Variants in CDK14 observed in about 807,000 individuals in gnomAD.
CDK14 encodes the protein cyclin-dependent kinase 14.
Under a neutral mutation model 60.7 loss-of-function variants are expected in CDK14, and 34 were observed. The ratio of observed to expected loss-of-function variants is 0.56; its 90% CI spans 0.43 to 0.75. CDK14 has a LOEUF of 0.75. CDK14 is among the 30% of genes least tolerant of loss of function. CDK14 has a pLI of 0.00. For missense variants in CDK14, 482 were observed against 564.1 expected, an observed-to-expected ratio of 0.85 and a Z score of 1.47; for synonymous variants, 197 against 203.7, an observed-to-expected ratio of 0.97 and a Z score of 0.28.
At chr7:90,667,163 A>G (rs1197030248) in intron 2 of CDK14, among the ~76,000 whole-genome samples, 1 of 152,200 alleles carries the variant, frequency 6.6e-6, no homozygotes, top group African/African-American at 2.4e-5. Context: ...TTTCACTCTT[A>G]TAGTCATCAT....
intron 8 of CDK14, among the ~76,000 whole-genome samples, chr7:90,952,400 C>T (rs1004570257): frequency 1.6e-4 from 25 of 152,194 alleles, no homozygotes; most frequent in African/African-American, 6.0e-4. Context: ...TTCTTAACTC[C>T]TCCAGAAATC....
intron 2 of CDK14, among the ~76,000 whole-genome samples, chr7:90,649,338 TTCC>T (rs1800555960): frequency 4.0e-4 from 20 of 49,476 alleles, no homozygotes; most frequent in African/African-American, 1.3e-3. Context: ...CCTTCCTTCC[TTCC>T]TTCCTTCCTT....
At chr7:90,717,894 A>G (rs980426608) in intron 2 of CDK14, among the ~76,000 whole-genome samples, 1 of 152,156 alleles carries the variant, frequency 6.6e-6, no homozygotes, top group Non-Finnish European at 1.5e-5. Flanking sequence ...TCATGGAAAT[A>G]CAAACACGTG....
chr7:90,623,487 GA>G (rs374235652), intron 2 of CDK14, among the ~76,000 whole-genome samples: 85 of 151,996 alleles, frequency 5.6e-4, no homozygotes, highest in African/African-American at 1.8e-3. Flanking sequence ...AAGAAGGAAG[GA>G]AAAAAAGCAC....
chr7:90,888,881 T>C (rs935698578), intron 6 of CDK14, among the ~76,000 whole-genome samples: 1 of 152,212 alleles, frequency 6.6e-6, no homozygotes, highest in Non-Finnish European at 1.5e-5. Flanking sequence ...ACTGTTTGAC[T>C]CCATGAACAT....
Position 90,727,130 on chromosome 7 carries a change from T to TA in CDK14, c.369+319dup, listed in dbSNP as rs563422446. ...AACCCTTGGAGAGGTTATTGAACTT[T>TA]ACTGTGTAGGCAGTAAGGATAGTTT... On this transcript the variant is annotated intron_variant, in intron 3 of 14. Transcript: ENST00000380050. 9.8e-4 allele frequency among the ~76,000 whole-genome samples: 149 copies of TA among 152,342 alleles called. 3 individuals carry two copies. In the South Asian group the frequency reaches 0.03, roughly 30 times the overall value.
intron 2 of CDK14, among the ~76,000 whole-genome samples, chr7:90,720,386 G>T (rs1156874088): frequency 6.6e-6 from 1 of 152,184 alleles, no homozygotes; most frequent in African/African-American, 2.4e-5. Flanking sequence ...GAAGCTGACG[G>T]ACAGTGCGTA....
chr7:90,624,746 T>C (rs1799842185), intron 2 of CDK14, among the ~76,000 whole-genome samples: 1 of 152,226 alleles, frequency 6.6e-6, no homozygotes, highest in Non-Finnish European at 1.5e-5. Flanking sequence ...TTTGTTACCA[T>C]GAACAGACAG....
chr7:90,716,089 A>T (rs1196924123), intron 2 of CDK14, among the ~76,000 whole-genome samples: 1 of 152,030 alleles, frequency 6.6e-6, no homozygotes, highest in Non-Finnish European at 1.5e-5. Context: ...TGGAAGTCAG[A>T]AAATGTACAT....
At chr7:91,172,829 CT>C (rs1801569978) in intron 14 of CDK14, among the ~76,000 whole-genome samples, 1 of 152,118 alleles carries the variant, frequency 6.6e-6, no homozygotes, top group Non-Finnish European at 1.5e-5. Context: ...CCTCTTTGAC[CT>C]TGTACCTTAC....
chr7:91,162,310 CT>C (rs1443466189), intron 14 of CDK14, among the ~76,000 whole-genome samples: 2 of 152,138 alleles, frequency 1.3e-5, no homozygotes, highest in Non-Finnish European at 2.9e-5. Context: ...TTGTGTTTCT[CT>C]GCTATGTTTA....
At chr7:90,763,208 G>C (rs967788463) in intron 4 of CDK14, among the ~76,000 whole-genome samples, 2 of 152,172 alleles carry the variant, frequency 1.3e-5, no homozygotes, top group Non-Finnish European at 2.9e-5. Context: ...CACTATGGTG[G>C]TTGTGACTTC....
intron 5 of CDK14, among the ~76,000 whole-genome samples, chr7:90,844,865 C>T (rs1198767651): frequency 6.6e-6 from 1 of 152,056 alleles, no homozygotes; most frequent in Admixed American, 6.6e-5. Context: ...AAAGGTGAGG[C>T]TTCAGATGGT....
Position 91,064,732 on chromosome 7 carries a change from C to T in CDK14, c.1106-14700C>T, listed in dbSNP as rs910408148. On this transcript the variant is annotated intron_variant, in intron 11 of 14. Coordinates refer to ENST00000380050, the MANE Select transcript of CDK14 (RefSeq NM_001287135.2). Reference sequence around the variant, plus strand: ...CTTGGGTCCCATCTAGCACTCAGATCCTCTGGAGCTGCTCTATCTTCCCCT... The same window carrying T: ...CTTGGGTCCCATCTAGCACTCAGATTCTCTGGAGCTGCTCTATCTTCCCCT... 3.9e-5 allele frequency among the ~76,000 whole-genome samples: 6 copies of T among 152,248 alleles called. No individual in the cohort carries two copies. In the South Asian group the frequency reaches 1.0e-3, roughly 26 times the overall value.
chr7:90,648,869 T>G (rs562640816), intron 2 of CDK14, among the ~76,000 whole-genome samples: 22 of 152,210 alleles, frequency 1.4e-4, no homozygotes, highest in African/African-American at 5.1e-4. Context: ...TTCCAACTTA[T>G]TTTTATTCAG....
chr7:90,993,849 T>C (rs994525416), intron 10 of CDK14, among the ~76,000 whole-genome samples: 2 of 152,240 alleles, frequency 1.3e-5, no homozygotes, highest in Non-Finnish European at 2.9e-5. Context: ...TAACATAAGC[T>C]TTTATATCTT....
At chr7:90,781,190 G>GT (rs1321570165) in intron 4 of CDK14, among the ~76,000 whole-genome samples, 1 of 152,172 alleles carries the variant, frequency 6.6e-6, no homozygotes, top group Non-Finnish European at 1.5e-5. Flanking sequence ...TTTTTCATGT[G>GT]TTTTTTGGCT....
chr7:90,866,559 T>C (rs999821007), intron 6 of CDK14, among the ~76,000 whole-genome samples: 5 of 152,214 alleles, frequency 3.3e-5, no homozygotes. Context: ...TTTTTCCTTT[T>C]GATTTCACAA....
In CDK14 at chr7:90,792,046, G is replaced by A. The variant is rs540074236; in HGVS notation, c.544+1394G>A. On this transcript the variant is annotated intron_variant, in intron 5 of 14. Transcript: ENST00000380050. The stretch of plus-strand genomic sequence containing the variant: ...GCCTCCTGCATAGCTGGGATTACAG[G>A]CGTGCGCCACTACGCCTGGCTAATT... 2.6e-5 allele frequency among the ~76,000 whole-genome samples: 4 copies of A among 152,078 alleles called. No homozygotes were observed. In the South Asian group the frequency reaches 8.3e-4, roughly 32 times the overall value.
Sources: allele counts gnomAD v4.1 joint callset (sites outside exome capture counted in the v4.1 genomes callset), GRCh38; gene constraint gnomAD v4.1.1; transcripts MANE v1.5; gene names NCBI Gene and HGNC (gene_info 2026-07-23, HGNC 2026-07-21).